Variants in CSMD2 observed in about 807,000 individuals in gnomAD.
CSMD2 encodes CUB and sushi domain-containing protein 2.
In CSMD2, 130 loss-of-function variants were observed where a neutral mutation model predicts 398.5. The observed-to-expected ratio is 0.33, with a 90% CI of 0.28 to 0.38. The LOEUF is 0.38. CSMD2 is among the 10% of genes least tolerant of loss of function. The pLI, the probability that CSMD2 is intolerant of heterozygous loss-of-function variation, is 1.00. For synonymous variants in CSMD2, 1,828 were observed against 1,908.5 expected, an observed-to-expected ratio of 0.96 and a Z score of 1.10; for missense variants, 3,829 against 4,764.9, an observed-to-expected ratio of 0.80 and a Z score of 5.78.
intron 1 of CSMD2, among the ~76,000 whole-genome samples, chr1:34,142,715 C>T (rs1401869405): frequency 1.3e-5 from 2 of 152,180 alleles, no homozygotes; most frequent in East Asian, 1.9e-4. Context: ...CTTTTTGTGA[C>T]ATTACTTAAC....
chr1:33,880,253 C>A (rs1458345008), intron 5 of CSMD2, among the ~76,000 whole-genome samples: 1 of 152,218 alleles, frequency 6.6e-6, no homozygotes, highest in Non-Finnish European at 1.5e-5. Flanking sequence ...GAGAGCTCAG[C>A]TCTGCCAACT....
intron 3 of CSMD2, among the ~76,000 whole-genome samples, chr1:34,017,847 T>G (rs1357713068): frequency 6.6e-6 from 1 of 152,218 alleles, no homozygotes; most frequent in African/African-American, 2.4e-5. Context: ...GAGTCTATAT[T>G]TCCATTAATA....
chr1:33,802,548 G>A (rs977463172), intron 10 of CSMD2, among the ~76,000 whole-genome samples: 2 of 152,276 alleles, frequency 1.3e-5, no homozygotes, highest in Middle Eastern at 3.4e-3. Flanking sequence ...TCCTTGCCAA[G>A]CCCAGGTAGC....
intron 2 of CSMD2, among the ~76,000 whole-genome samples, chr1:34,088,090 C>T (rs1017114484): frequency 6.6e-5 from 10 of 152,224 alleles, no homozygotes; most frequent in Admixed American, 6.5e-4. Flanking sequence ...GCTGCAGGAG[C>T]TTGGAGGCCA....
intron 3 of CSMD2, among the ~76,000 whole-genome samples, chr1:33,965,309 A>G (rs1175707503): frequency 6.6e-6 from 1 of 151,992 alleles, no homozygotes; most frequent in East Asian, 1.9e-4. Context: ...GGGCCTCATC[A>G]TTCTTGTCAT....
intron 41 of CSMD2, among the ~76,000 whole-genome samples, chr1:33,608,099 G>T (rs1267333773): frequency 1.3e-5 from 2 of 152,150 alleles, no homozygotes; most frequent in Non-Finnish European, 1.5e-5. Flanking sequence ...CCTTGTGCAG[G>T]GTGGCCATAG....
intron 7 of CSMD2, among the ~76,000 whole-genome samples, chr1:33,821,653 T>C (rs1012915753): frequency 2.6e-5 from 4 of 152,194 alleles, no homozygotes; most frequent in Admixed American, 1.3e-4. Context: ...CAAGCATTCA[T>C]TGAGCACCTA....
intron 64 of CSMD2, among the ~76,000 whole-genome samples, chr1:33,531,748 G>A (rs1485033381): frequency 1.3e-5 from 2 of 152,204 alleles, no homozygotes; most frequent in Non-Finnish European, 2.9e-5. Flanking sequence ...CCACTAACAT[G>A]AGGTACTTAG....
intron 5 of CSMD2, among the ~76,000 whole-genome samples, chr1:33,890,883 A>G (rs1229209064): frequency 1.3e-5 from 2 of 152,208 alleles, no homozygotes; most frequent in Non-Finnish European, 2.9e-5. Context: ...TACACCTTAT[A>G]CAAAAATTAA....
At chr1:33,978,365 G>C (rs1323496351) in intron 3 of CSMD2, among the ~76,000 whole-genome samples, 2 of 152,190 alleles carry the variant, frequency 1.3e-5, no homozygotes, top group African/African-American at 4.8e-5. Flanking sequence ...TTAGCACCGT[G>C]TTCCAGGCTC....
intron 1 of CSMD2, among the ~76,000 whole-genome samples, chr1:34,159,674 G>T (rs1428331813): frequency 2.6e-5 from 4 of 152,202 alleles, no homozygotes; most frequent in Admixed American, 2.6e-4. Context: ...AATACTGCAG[G>T]CTTCACTGGG....
chr1:34,101,306 A>C (rs1659920404), intron 1 of CSMD2, among the ~76,000 whole-genome samples: 1 of 152,200 alleles, frequency 6.6e-6, no homozygotes, highest in South Asian at 2.1e-4. Context: ...ATCAGGCTCC[A>C]GAACAATCTC....
intron 3 of CSMD2, among the ~76,000 whole-genome samples, chr1:33,941,967 G>GT (rs1408682542): frequency 6.6e-6 from 1 of 152,120 alleles, no homozygotes; most frequent in African/African-American, 2.4e-5. Flanking sequence ...TTGCTACAGT[G>GT]TAAGCTCCAT....
chr1:33,817,292 A>G (rs1657578373), intron 9 of CSMD2, among the ~76,000 whole-genome samples: 1 of 151,264 alleles, frequency 6.6e-6, no homozygotes, highest in South Asian at 2.1e-4. Context: ...AAAAGAGAGA[A>G]GAAGGCAGGA....
At chr1:33,671,467 T>G (rs1644495094) in intron 25 of CSMD2, among the ~76,000 whole-genome samples, 1 of 152,078 alleles carries the variant, frequency 6.6e-6, no homozygotes, top group South Asian at 2.1e-4. Flanking sequence ...GGGCTGGATC[T>G]TGACTTCATT....
chr1:34,128,920 T>A (rs1175763292), intron 1 of CSMD2, among the ~76,000 whole-genome samples: 1 of 151,868 alleles, frequency 6.6e-6, no homozygotes, highest in Non-Finnish European at 1.5e-5. Context: ...ACTGCCCAAG[T>A]CCTGGCATGC....
intron 10 of CSMD2, among the ~76,000 whole-genome samples, chr1:33,801,358 G>A (rs1035969816): frequency 1.5e-4 from 23 of 152,156 alleles, no homozygotes; most frequent in Admixed American, 1.2e-3. Context: ...GTAGGTAGGG[G>A]GCATCAAGGC....
intron 1 of CSMD2, among the ~76,000 whole-genome samples, chr1:34,094,008 G>C (rs1658966926): frequency 6.6e-6 from 1 of 152,050 alleles, no homozygotes; most frequent in Non-Finnish European, 1.5e-5. Flanking sequence ...CAGCCAGAGA[G>C]AAAGGTCAGG....
intron 9 of CSMD2, among the ~76,000 whole-genome samples, chr1:33,811,330 C>T (rs1189933155): frequency 6.6e-6 from 1 of 152,304 alleles, no homozygotes; most frequent in South Asian, 2.1e-4. Flanking sequence ...GGACCTAATG[C>T]TGCTTAACTA....
Sources: allele counts gnomAD v4.1 joint callset (sites outside exome capture counted in the v4.1 genomes callset), GRCh38; gene constraint gnomAD v4.1.1; transcripts MANE v1.5; gene names NCBI Gene and HGNC (gene_info 2026-07-23, HGNC 2026-07-21).